PTPRT: variants seen among roughly 807,000 people sequenced by gnomAD.
The protein encoded by PTPRT is receptor-type tyrosine-protein phosphatase T.
Under a neutral mutation model 176.8 loss-of-function variants are expected in PTPRT, and 56 were observed. The observed-to-expected ratio is 0.32, with a 90% CI of 0.26 to 0.40. PTPRT has a LOEUF of 0.40. PTPRT is among the 10% of genes least tolerant of loss of function. PTPRT has a pLI of 1.00. For synonymous variants in PTPRT, 783 were observed against 739.0 expected (o/e 1.06, Z -0.96); for missense variants, 1,540 against 1,908.2 (o/e 0.81, Z 3.60).
intron 2 of PTPRT, among the ~76,000 whole-genome samples, chr20:42,809,208 A>G (rs1220723432): frequency 6.6e-6 from 1 of 152,188 alleles, no homozygotes; most frequent in Admixed American, 6.5e-5. Flanking sequence ...TTCCTCTCCA[A>G]GGCCTCCAAA....
chr20:42,560,143 G>T (rs1339851276), intron 7 of PTPRT, among the ~76,000 whole-genome samples: 1 of 152,196 alleles, frequency 6.6e-6, no homozygotes. Context: ...GTTGAGTCTG[G>T]TTCGCTCAAC....
intron 6 of PTPRT, among the ~76,000 whole-genome samples, chr20:42,706,791 C>T (rs553838880): frequency 6.6e-6 from 1 of 152,274 alleles, no homozygotes; most frequent in African/African-American, 2.4e-5. Context: ...TGTGTCCACC[C>T]AAAAGAATAT....
intron 6 of PTPRT, among the ~76,000 whole-genome samples, chr20:42,733,091 C>T (rs1369050539): frequency 6.6e-6 from 1 of 152,180 alleles, no homozygotes; most frequent in African/African-American, 2.4e-5. Context: ...CTTCCACCCT[C>T]ACTTACTTCA....
chr20:42,321,988 C>T (rs904312588), intron 11 of PTPRT, among the ~76,000 whole-genome samples: 5 of 152,090 alleles, frequency 3.3e-5, no homozygotes, highest in Admixed American at 2.6e-4. Context: ...CAGGAGAATG[C>T]CGTGAACCCG....
intron 13 of PTPRT, among the ~76,000 whole-genome samples, chr20:42,282,102 A>C (rs1382006941): frequency 1.3e-5 from 2 of 152,188 alleles, no homozygotes; most frequent in Non-Finnish European, 2.9e-5. Context: ...AACGAAGTAC[A>C]GAACTCAGTA....
intron 5 of PTPRT, among the ~76,000 whole-genome samples, chr20:42,767,729 A>C (rs1029906223): frequency 4.8e-5 from 7 of 145,992 alleles, no homozygotes; most frequent in Non-Finnish European, 7.5e-5. Flanking sequence ...TAAAATATAT[A>C]TTTTCTTTAA....
intron 7 of PTPRT, among the ~76,000 whole-genome samples, chr20:42,490,295 T>C (rs1445726195): frequency 6.6e-6 from 1 of 152,194 alleles, no homozygotes; most frequent in Non-Finnish European, 1.5e-5. Context: ...TTATTGACAC[T>C]GAATTAAATT....
intron 9 of PTPRT, among the ~76,000 whole-genome samples, chr20:42,379,811 C>G (rs1410701152): frequency 6.6e-6 from 1 of 152,220 alleles, no homozygotes; most frequent in African/African-American, 2.4e-5. Flanking sequence ...TGCCCCCATG[C>G]TTTCCTCCAA....
chr20:42,422,703 T>C (rs1600998443), intron 9 of PTPRT, among the ~76,000 whole-genome samples: 1 of 152,200 alleles, frequency 6.6e-6, no homozygotes, highest in African/African-American at 2.4e-5. Flanking sequence ...ACTGGGTATA[T>C]ACCCAAAGCA....
intron 16 of PTPRT, among the ~76,000 whole-genome samples, chr20:42,170,737 A>G (rs749414546): frequency 1.3e-4 from 20 of 152,224 alleles, no homozygotes; most frequent in Non-Finnish European, 2.6e-4. Flanking sequence ...AAAAGAAAAC[A>G]AACATATAAA....
chr20:42,106,091 C>T (rs1986409877), intron 24 of PTPRT, among the ~76,000 whole-genome samples: 1 of 152,208 alleles, frequency 6.6e-6, no homozygotes, highest in South Asian at 2.1e-4. Flanking sequence ...GACACAATTT[C>T]TTAGTTTCTT....
chr20:42,074,140 C>A lies in PTPRT; in HGVS notation c.*6739G>T. Reference sequence around the variant, plus strand: ...CCTAACTTTACATGGAATGACACCACTCTGCCCTCTAAGCCTCCAGACTGC... The same window carrying A: ...CCTAACTTTACATGGAATGACACCAATCTGCCCTCTAAGCCTCCAGACTGC... On this transcript the variant is annotated 3_prime_UTR_variant, in exon 31 of 31. Transcript: ENST00000373187. 4.4e-6 allele frequency: 1 copy of A among 228,292 alleles called. No individual in the cohort carries two copies. The highest frequency in any genetic ancestry group is 8.7e-6 in the Non-Finnish European group (1 of 114,914). The allele number at this position is 228,292 out of a possible 1,614,324, so 14.1% of individuals were successfully genotyped here. A position where few individuals can be genotyped will look rare whatever the true frequency, so the allele number is the denominator to read the frequency against.
chr20:42,845,202 A>G (rs1487851551), intron 2 of PTPRT, among the ~76,000 whole-genome samples: 1 of 152,100 alleles, frequency 6.6e-6, no homozygotes, highest in Non-Finnish European at 1.5e-5. Flanking sequence ...CTCGATGTCC[A>G]CTGTTGTTTC....
intron 3 of PTPRT, among the ~76,000 whole-genome samples, chr20:42,781,712 T>C (rs938307868): frequency 6.6e-6 from 1 of 152,216 alleles, no homozygotes; most frequent in East Asian, 1.9e-4. Context: ...TTCCTGACTT[T>C]CCACTGCAAA....
At chr20:43,167,372 T>A (rs543079063) in intron 1 of PTPRT, among the ~76,000 whole-genome samples, 7 of 152,308 alleles carry the variant, frequency 4.6e-5, no homozygotes, top group Non-Finnish European at 1.5e-5. Flanking sequence ...CTTAGTTAAA[T>A]TTCAACCCAT....
intron 1 of PTPRT, among the ~76,000 whole-genome samples, chr20:43,119,604 C>G (rs2013182898): frequency 6.6e-6 from 1 of 152,170 alleles, no homozygotes; most frequent in East Asian, 1.9e-4. Context: ...CCAAGGAGCA[C>G]AGATACACCT....
intron 7 of PTPRT, among the ~76,000 whole-genome samples, chr20:42,623,356 G>A (rs769775126): frequency 2.2e-4 from 33 of 152,342 alleles, no homozygotes; most frequent in Admixed American, 3.9e-4. Context: ...AAACCTGCCT[G>A]TCTGTGTGCT....
chr20:42,981,635 C>T (rs1432067867), intron 1 of PTPRT, among the ~76,000 whole-genome samples: 2 of 152,112 alleles, frequency 1.3e-5, no homozygotes, highest in African/African-American at 4.8e-5. Context: ...CTGCTGAACT[C>T]CAGAGATGTG....
intron 7 of PTPRT, among the ~76,000 whole-genome samples, chr20:42,641,601 G>A (rs6016856): frequency 0.34 from 52,414 of 152,066 alleles, 10,680 homozygotes; most frequent in African/African-American, 0.56. Flanking sequence ...CTGTGAGTAT[G>A]CTTTGCCATC....
Sources: gnomAD v4.1 joint callset for allele counts (sites outside exome capture counted in the v4.1 genomes callset) on GRCh38, gnomAD v4.1.1 for gene constraint, MANE v1.5 for transcripts, NCBI Gene and HGNC (gene_info 2026-07-23, HGNC 2026-07-21) for gene names.